The following SAMMSON variants were observed in gnomAD, a reference collection of about 807,000 sequenced individuals.
SAMMSON encodes the protein survival associated mitochondrial melanoma specific oncogenic non-coding RNA.
rs572445532 is a variant in SAMMSON at position 70,402,486 on chromosome 3, T to C, written n.233+44162T>C. ...ATCATTCATGGATTAAGTTGGTGTA[T>C]TTTTTTAAAGGTTTTAAAAATATAT... On this transcript the variant is annotated intron_variant and non_coding_transcript_variant, in intron 2 of 3. Coordinates refer to the SAMMSON transcript ENST00000641053. Among the ~76,000 whole-genome samples the C allele has an allele frequency of 5.3e-5, 8 of 152,294 alleles. No homozygotes were observed. The South Asian group carries it at 1.5e-3, about 28-fold the overall frequency.
chr3:70,321,673 T>C (rs1702539805), intron 7 of SAMMSON, among the ~76,000 whole-genome samples: 1 of 152,100 alleles, frequency 6.6e-6, no homozygotes, highest in Non-Finnish European at 1.5e-5. Flanking sequence ...ATACTCTTCA[T>C]TACCCTATAA....
At chr3:70,394,816 G>A (rs1359985852), downstream of SAMMSON, among the ~76,000 whole-genome samples, 2 of 152,084 alleles carry the variant, frequency 1.3e-5, no homozygotes, top group Non-Finnish European at 2.9e-5. Context: ...TGGGGTCCAG[G>A]AACCAAGAGC....
At chr3:70,341,498 A>T (rs577265400) in intron 7 of SAMMSON, among the ~76,000 whole-genome samples, 1 of 152,264 alleles carries the variant, frequency 6.6e-6, no homozygotes, top group Admixed American at 6.5e-5. Context: ...GGATAAAATA[A>T]TCTTCTTCCC....
At chr3:70,117,434 G>T (rs890977211) in intron 4 of SAMMSON, among the ~76,000 whole-genome samples, 1 of 152,122 alleles carries the variant, frequency 6.6e-6, no homozygotes, top group Non-Finnish European at 1.5e-5. Context: ...CAATGAACTT[G>T]ATATTATTTA....
intron 4 of SAMMSON, among the ~76,000 whole-genome samples, chr3:70,237,979 C>CTTTTTATTTTTTTTTTTTT (rs1701628018): frequency 2.0e-5 from 1 of 48,932 alleles, no homozygotes; most frequent in Non-Finnish European, 3.2e-5. Context: ...TGAGTGGTAT[C>CTTTTTATTTTTTTTTTTTT]TTTTTTTTTT....
chr3:70,324,173 A>G (rs986822369), intron 7 of SAMMSON, among the ~76,000 whole-genome samples: 1 of 102,338 alleles, frequency 9.8e-6, no homozygotes, highest in Non-Finnish European at 2.2e-5. Flanking sequence ...CTATCTATCT[A>G]TCTATCTATC....
chr3:70,290,783 T>C (rs1336840753), intron 6 of SAMMSON, among the ~76,000 whole-genome samples: 1 of 152,122 alleles, frequency 6.6e-6, no homozygotes, highest in Non-Finnish European at 1.5e-5. Flanking sequence ...TTTAAGCTTG[T>C]CGGAAAAGCG....
intron 6 of SAMMSON, among the ~76,000 whole-genome samples, chr3:70,288,339 G>C (rs964962069): frequency 8.1e-6 from 1 of 123,890 alleles, no homozygotes; most frequent in Non-Finnish European, 1.7e-5. Context: ...TCAGGAGCAG[G>C]TTGTTCAGTT....
chr3:70,105,134 G>A (rs1251063319), intron 4 of SAMMSON, among the ~76,000 whole-genome samples: 1 of 152,038 alleles, frequency 6.6e-6, no homozygotes, highest in African/African-American at 2.4e-5. Flanking sequence ...CAAGGGAAAT[G>A]TAACCCCAAT....
chr3:70,108,423 C>CTTTTTTTTTTTTTTTTTTTT (rs61561713), intron 4 of SAMMSON, among the ~76,000 whole-genome samples: 1,070 of 89,148 alleles, frequency 0.012, 152 homozygotes, highest in East Asian at 0.024. Context: ...CTTGCGGTTC[C>CTTTTTTTTTTTTTTTTTTTT]TTTTTTTTTT....
chr3:70,026,244 T>C (rs1380161362), intron 3 of SAMMSON, among the ~76,000 whole-genome samples: 2 of 152,208 alleles, frequency 1.3e-5, no homozygotes, highest in Non-Finnish European at 2.9e-5. Context: ...TTTTAACTTC[T>C]GAGAACAGGA....
intron 2 of SAMMSON, among the ~76,000 whole-genome samples, chr3:70,405,123 G>A (rs1264400963): frequency 6.6e-6 from 1 of 152,140 alleles, no homozygotes; most frequent in Admixed American, 6.6e-5. Flanking sequence ...ACCAACTAGA[G>A]TGACATGACT....
intron 7 of SAMMSON, among the ~76,000 whole-genome samples, chr3:70,292,197 A>T (rs956578351): frequency 2.0e-5 from 3 of 152,166 alleles, no homozygotes; most frequent in African/African-American, 7.2e-5. Context: ...CCCTTTATGA[A>T]TTGGAGATAA....
chr3:70,055,403 G>A (rs945320819), intron 3 of SAMMSON, among the ~76,000 whole-genome samples: 12 of 152,058 alleles, frequency 7.9e-5, no homozygotes, highest in African/African-American at 2.9e-4. Context: ...ACTATATTTG[G>A]TTGTAGTATT....
chr3:70,159,056 G>A (rs996416924), intron 4 of SAMMSON, among the ~76,000 whole-genome samples: 1 of 151,608 alleles, frequency 6.6e-6, no homozygotes, highest in Non-Finnish European at 1.5e-5. Flanking sequence ...TTTACATTAG[G>A]ACAAAAATTT....
Position 70,342,735 on chromosome 3 carries a change from G to A in SAMMSON, n.740-11440G>A, listed in dbSNP as rs555679256. ...TAAACCAATGGCCAAGGGACAGTCAGTATTGCCTGAAGTCATTATTGGTGA... is the reference window on the plus strand; with the variant it reads ...TAAACCAATGGCCAAGGGACAGTCAATATTGCCTGAAGTCATTATTGGTGA... On this transcript the variant is annotated intron_variant and non_coding_transcript_variant, in intron 7 of 9. Coordinates refer to ENST00000642114, the Ensembl canonical transcript of SAMMSON. Among the ~76,000 whole-genome samples the A allele has an allele frequency of 3.3e-5, 5 of 152,260 alleles. 1 individual carries two copies. In the South Asian group the frequency reaches 6.2e-4, roughly 19 times the overall value.
intron 4 of SAMMSON, among the ~76,000 whole-genome samples, chr3:70,248,130 T>C (rs1013721717): frequency 6.6e-6 from 1 of 152,048 alleles, no homozygotes; most frequent in African/African-American, 2.4e-5. Flanking sequence ...TAATGAACCA[T>C]ATTATTCTCT....
chr3:70,123,445 A>G (rs540313111), intron 4 of SAMMSON, among the ~76,000 whole-genome samples: 2 of 152,160 alleles, frequency 1.3e-5, no homozygotes, highest in East Asian at 3.9e-4. Context: ...TAATTTTTGT[A>G]TTTTTGTAAA....
intron 6 of SAMMSON, among the ~76,000 whole-genome samples, chr3:70,261,905 G>C (rs1466357272): frequency 6.6e-6 from 1 of 152,222 alleles, no homozygotes; most frequent in South Asian, 2.1e-4. Flanking sequence ...GAAATCCACT[G>C]TTTCATACCT....
Sources: allele counts gnomAD v4.1 joint callset (sites outside exome capture counted in the v4.1 genomes callset), GRCh38; gene constraint gnomAD v4.1.1; transcripts MANE v1.5; gene names NCBI Gene and HGNC (gene_info 2026-07-23, HGNC 2026-07-21).